PNPLA1: variants seen among roughly 807,000 people sequenced by gnomAD.
PNPLA1 encodes patatin like domain 1, omega-hydroxyceramide transacylase.
Under a neutral mutation model 51.7 loss-of-function variants are expected in PNPLA1, and 36 were observed. The ratio of observed to expected loss-of-function variants is 0.70; its 90% CI spans 0.53 to 0.92. The LOEUF (loss-of-function observed/expected upper bound fraction) is 0.92, where lower values mean the gene tolerates loss of function less well. Ranked by LOEUF, PNPLA1 falls within the 40% of genes least tolerant of loss-of-function variation. PNPLA1 has a pLI of 0.00. For synonymous variants in PNPLA1, 293 were observed against 280.1 expected, an observed-to-expected ratio of 1.05 and a Z score of -0.46; for missense variants, 658 against 682.5, an observed-to-expected ratio of 0.96 and a Z score of 0.40.
chr6:36,287,418 A>G (rs1230356072), intron 1 of PNPLA1, among the ~76,000 whole-genome samples: 2 of 152,146 alleles, frequency 1.3e-5, no homozygotes, highest in African/African-American at 4.8e-5. Context: ...GTCAACCTTG[A>G]GTACCCTGAT....
At chr6:36,289,829 G>A (rs1333912969) in intron 1 of PNPLA1, among the ~76,000 whole-genome samples, 2 of 152,196 alleles carry the variant, frequency 1.3e-5, no homozygotes, top group Non-Finnish European at 2.9e-5. Flanking sequence ...CAGGACTGGG[G>A]TGGAATAATC....
chr6:36,306,480 T>A, intron 7 of PNPLA1, 104 bp downstream of exon 7: 1 of 1,007,692 alleles, frequency 9.9e-7, no homozygotes, highest in South Asian at 1.6e-5. Context: ...AACTCTGGGA[T>A]CCTTTTCTGG....
chr6:36,254,665 T>TA (rs911294930), intron 1 of PNPLA1, among the ~76,000 whole-genome samples: 8 of 151,924 alleles, frequency 5.3e-5, no homozygotes, highest in African/African-American at 1.9e-4. Flanking sequence ...CAGGCTGCTG[T>TA]AGGGATGGAC....
rs1411674187 is a variant in PNPLA1 at position 36,312,207 on chromosome 6, C to T, written c.*321C>T. The T allele has an allele frequency of 6.6e-6, 1 of 152,184 alleles. No individual in the cohort carries two copies. Among genetic ancestry groups the T allele is most frequent in the Non-Finnish European group, 1.5e-5 (1 of 68,048 alleles). The allele number at this position is 152,184 out of a possible 1,614,324, so 9.4% of individuals were successfully genotyped here. The stretch of plus-strand genomic sequence containing the variant: ...TACCCCTTTTATATGGCACTGTACC[C>T]TTGTATAGTGTAAAATCTGCACAAC... On this transcript the variant is annotated 3_prime_UTR_variant, in exon 9 of 9. Coordinates refer to ENST00000636260, the MANE Select transcript of PNPLA1 (RefSeq NM_001374623.1).
At position 36,293,053 on chromosome 6, in the gene PNPLA1, C is replaced by T; in HGVS notation, c.439-8C>T. 1.2e-6 allele frequency: 2 copies of T among 1,612,736 alleles called. No homozygotes were observed. The highest frequency in any genetic ancestry group is 2.2e-5 in the East Asian group (1 of 44,850). Reference sequence around the variant, plus strand: ...CTCCAGCATCTCAGCCCTGTTCTCTCCGCACAGGCCCTATACTGCAGCTGC... The same window carrying T: ...CTCCAGCATCTCAGCCCTGTTCTCTTCGCACAGGCCCTATACTGCAGCTGC... On this transcript the variant is annotated splice_polypyrimidine_tract_variant and splice_region_variant and intron_variant, in intron 2 of 8. Coordinates refer to ENST00000636260, the MANE Select transcript of PNPLA1 (RefSeq NM_001374623.1).
chr6:36,265,108 A>G (rs549023771), upstream of PNPLA1, among the ~76,000 whole-genome samples: 91 of 152,258 alleles, frequency 6.0e-4, no homozygotes, highest in African/African-American at 1.9e-3. Flanking sequence ...TGGGAAGCTG[A>G]GGGGGGCGGG....
At chr6:36,310,520 C>CCTT (rs1771365208) in intron 8 of PNPLA1, among the ~76,000 whole-genome samples, 1 of 152,154 alleles carries the variant, frequency 6.6e-6, no homozygotes, top group East Asian at 1.9e-4. Flanking sequence ...CATAAAAGAT[C>CCTT]CTTTTCTTTG....
rs779680546 is a variant in PNPLA1 at position 36,307,590 on chromosome 6, G to A, written c.1473G>A (p.Glu491=). 1 of 1,613,458 alleles carries A rather than the reference G, an allele frequency of 6.2e-7. No homozygotes were observed. The highest frequency in any genetic ancestry group is 1.1e-5 in the South Asian group (1 of 91,020). The part of the protein sequence containing the change: ...KETVSKPYVT[E]SPAEDSNWVN... ...TCTACTTAATCTCTTTGCCTAGGGAGAGCCCTGCTGAAGACTCAAACTGGG... is the reference window on the plus strand; with the variant it reads ...TCTACTTAATCTCTTTGCCTAGGGAAAGCCCTGCTGAAGACTCAAACTGGG... Residue 491 remains glutamate (E), a synonymous_variant, in exon 8 of 9, where the codon GAG becomes GAA. Coordinates refer to ENST00000636260, the MANE Select transcript of PNPLA1 (RefSeq NM_001374623.1).
At chr6:36,252,606 A>G (rs1438425519) in intron 1 of PNPLA1, among the ~76,000 whole-genome samples, 2 of 151,772 alleles carry the variant, frequency 1.3e-5, no homozygotes, top group African/African-American at 4.8e-5. Context: ...CAGGTACTTA[A>G]TGAAGACACC....
chr6:36,260,549 C>T (rs941468397), intron 1 of PNPLA1, among the ~76,000 whole-genome samples: 1 of 152,210 alleles, frequency 6.6e-6, no homozygotes, highest in Non-Finnish European at 1.5e-5. Context: ...TCCCTACTTT[C>T]CATCTCTTGG....
At chr6:36,280,440 T>C (rs1770244821) in intron 1 of PNPLA1, among the ~76,000 whole-genome samples, 1 of 152,232 alleles carries the variant, frequency 6.6e-6, no homozygotes, top group South Asian at 2.1e-4. Context: ...GTTGTATCAA[T>C]TCAAGCTCTA....
At chr6:36,277,439 C>T (rs1026675501) in intron 1 of PNPLA1, among the ~76,000 whole-genome samples, 1 of 152,106 alleles carries the variant, frequency 6.6e-6, no homozygotes, top group African/African-American at 2.4e-5. Flanking sequence ...ATTGGAGGTT[C>T]GATTACAAAG....
chr6:36,293,470 G>GC (rs139120441), intron 3 of PNPLA1, among the ~76,000 whole-genome samples: 1,953 of 152,342 alleles, frequency 0.013, 38 homozygotes, highest in South Asian at 0.04. Context: ...GTTTTCTGAG[G>GC]CCTGTAGGCC....
At chr6:36,282,773 C>A (rs946876783) in intron 1 of PNPLA1, among the ~76,000 whole-genome samples, 3 of 152,214 alleles carry the variant, frequency 2.0e-5, no homozygotes, top group African/African-American at 7.2e-5. Flanking sequence ...GCAACCTCCA[C>A]CTCCTGGGTT....
intron 5 of PNPLA1, 103 bp from the exon 6 acceptor site, chr6:36,301,758 A>G: frequency 7.0e-7 from 1 of 1,423,170 alleles, no homozygotes; most frequent in Non-Finnish European, 9.5e-7. Context: ...AAGACCTTTG[A>G]AAAGCACTGT....
At chr6:36,310,896 A>C (rs1771392956) in intron 8 of PNPLA1, among the ~76,000 whole-genome samples, 2 of 152,168 alleles carry the variant, frequency 1.3e-5, no homozygotes, top group South Asian at 2.1e-4. Flanking sequence ...TGAGAAGCTG[A>C]ATGTGGAAGC....
chr6:36,306,301 T>C lies in PNPLA1; in HGVS notation c.1394T>C (p.Leu465Pro), dbSNP rs759230393. 3.1e-6 allele frequency: 5 copies of C among 1,612,494 alleles called. No homozygotes were observed. The highest frequency in any genetic ancestry group is 4.2e-6 in the Non-Finnish European group (5 of 1,179,412). The change falls in exon 7 of 9, where the codon CTT (leucine) becomes CCT (proline). Residue 465 changes from leucine (L) to proline (P), a missense_variant. By Grantham distance (98) the Leu-to-Pro change is moderately conservative. Coordinates refer to ENST00000636260, the MANE Select transcript of PNPLA1 (RefSeq NM_001374623.1). ...ATATCTTTACTTTTAGCTGTAGCTC[T>C]TCTTGTCTCTTCAAAACCAAAAAGC... Reference protein sequence around the residue: ...LGQEQPQAVALLVSSKPKSAV... With the variant: ...LGQEQPQAVAPLVSSKPKSAV...
chr6:36,304,629 G>GAAAAA (rs539155104), intron 6 of PNPLA1, among the ~76,000 whole-genome samples: 3 of 71,960 alleles, frequency 4.2e-5, no homozygotes, highest in African/African-American at 5.8e-5. Flanking sequence ...TCCGTCTCAG[G>GAAAAA]AAAAAAAAAA....
chr6:36,296,360 T>C (rs1770857172), intron 5 of PNPLA1, among the ~76,000 whole-genome samples: 1 of 152,218 alleles, frequency 6.6e-6, no homozygotes, highest in South Asian at 2.1e-4. Flanking sequence ...TCAAAGGGTT[T>C]ACCTAATGTT....
Sources: gnomAD v4.1 joint callset for allele counts (sites outside exome capture counted in the v4.1 genomes callset) on GRCh38, gnomAD v4.1.1 for gene constraint, MANE v1.5 for transcripts, NCBI Gene and HGNC (gene_info 2026-07-23, HGNC 2026-07-21) for gene names.